The following PEX14 variants were observed in gnomAD, a reference collection of about 807,000 sequenced individuals.
PEX14 encodes peroxisomal biogenesis factor 14, also known as peroxisomal membrane protein PEX14.
PEX14 carries 15 observed loss-of-function variants against 49.5 expected under a neutral mutation model. That is an observed-to-expected ratio of 0.30 (90% CI 0.20 to 0.47). The LOEUF is 0.47. PEX14 is among the 20% of genes least tolerant of loss of function. PEX14 has a pLI of 1.00. For missense variants in PEX14, 398 were observed against 494.8 expected (o/e 0.80, Z 1.86); for synonymous variants, 210 against 212.7 (o/e 0.99, Z 0.11).
intron 3 of PEX14, among the ~76,000 whole-genome samples, chr1:10,546,782 T>C (rs1351376153): frequency 4.2e-5 from 6 of 142,056 alleles, no homozygotes; most frequent in Non-Finnish European, 7.5e-5. Flanking sequence ...GGCAGGAGAA[T>C]GGCGTGAACC....
chr1:10,518,195 G>A (rs969145757), intron 2 of PEX14, among the ~76,000 whole-genome samples: 9 of 151,854 alleles, frequency 5.9e-5, no homozygotes, highest in South Asian at 2.1e-4. Flanking sequence ...CCTTTATTTC[G>A]GTCCCTGACT....
chr1:10,568,323 T>TTCC (rs1557849515), intron 3 of PEX14, among the ~76,000 whole-genome samples: 1 of 118,718 alleles, frequency 8.4e-6, no homozygotes, highest in African/African-American at 3.8e-5. Flanking sequence ...TAGATACTCT[T>TTCC]CCCCCCCCCC....
chr1:10,615,197 T>A (rs1641378907), intron 4 of PEX14, among the ~76,000 whole-genome samples: 1 of 152,134 alleles, frequency 6.6e-6, no homozygotes, highest in Non-Finnish European at 1.5e-5. Context: ...GATTGATAAA[T>A]TTGTATAAAA....
At chr1:10,561,529 A>C (rs1470295487) in intron 3 of PEX14, among the ~76,000 whole-genome samples, 1 of 152,234 alleles carries the variant, frequency 6.6e-6, no homozygotes, top group Non-Finnish European at 1.5e-5. Flanking sequence ...TTATTATTGC[A>C]TTACAATAAA....
chr1:10,611,655 C>T (rs1420518681), intron 4 of PEX14, among the ~76,000 whole-genome samples: 1 of 152,200 alleles, frequency 6.6e-6, no homozygotes, highest in Non-Finnish European at 1.5e-5. Flanking sequence ...ACCCGATAGT[C>T]TCATTTTTGA....
intron 2 of PEX14, among the ~76,000 whole-genome samples, chr1:10,503,480 T>G (rs1008980917): frequency 6.6e-6 from 1 of 151,730 alleles, no homozygotes; most frequent in Non-Finnish European, 1.5e-5. Flanking sequence ...GAAGACGTGA[T>G]CTACAAAACT....
chr1:10,566,270 C>T (rs940764932), intron 3 of PEX14, among the ~76,000 whole-genome samples: 5 of 152,262 alleles, frequency 3.3e-5, no homozygotes, highest in African/African-American at 7.2e-5. Flanking sequence ...TTTTTATTTC[C>T]GTATCTACAA....
At chr1:10,533,805 G>A (rs377692856) in intron 2 of PEX14, among the ~76,000 whole-genome samples, 2 of 152,122 alleles carry the variant, frequency 1.3e-5, no homozygotes, top group African/African-American at 2.4e-5. Flanking sequence ...TGCATTGTCC[G>A]ATGGATCCGT....
chr1:10,567,525 G>T (rs1036703788), intron 3 of PEX14, among the ~76,000 whole-genome samples: 2 of 151,890 alleles, frequency 1.3e-5, no homozygotes, highest in Admixed American at 6.6e-5. Context: ...AGACAGTCTT[G>T]CTGTGTCACC....
At chr1:10,477,398 A>G (rs184288578) in intron 1 of PEX14, among the ~76,000 whole-genome samples, 2 of 152,306 alleles carry the variant, frequency 1.3e-5, no homozygotes, top group Non-Finnish European at 2.9e-5. Context: ...AACAGACTCT[A>G]TGGCTATCTA....
intron 3 of PEX14, among the ~76,000 whole-genome samples, chr1:10,551,760 G>C (rs1307796453): frequency 6.6e-6 from 1 of 152,080 alleles, no homozygotes; most frequent in Non-Finnish European, 1.5e-5. Context: ...CAACCAGTTT[G>C]GTATCAGGGA....
chr1:10,595,036 TA>T (rs540071218), intron 3 of PEX14, among the ~76,000 whole-genome samples: 14 of 147,812 alleles, frequency 9.5e-5, no homozygotes, highest in African/African-American at 9.9e-5. Flanking sequence ...TCTGTCCTTT[TA>T]AAAAAAAAAG....
chr1:10,484,028 C>CTTT (rs200948766), intron 1 of PEX14, among the ~76,000 whole-genome samples: 2 of 132,424 alleles, frequency 1.5e-5, no homozygotes, highest in African/African-American at 5.8e-5. Context: ...AATGAATTAC[C>CTTT]TTTTTTTTTT....
intron 2 of PEX14, among the ~76,000 whole-genome samples, chr1:10,527,424 C>T (rs530658539): frequency 6.9e-6 from 1 of 145,592 alleles, no homozygotes; most frequent in South Asian, 2.2e-4. Flanking sequence ...GGCTGAGGCA[C>T]AAGAATTGCT....
rs148714390 is a variant in PEX14, at chr1:10,565,550, T to C, written c.169+29253T>C. Among the ~76,000 whole-genome samples the C allele has an allele frequency of 2.1e-3, 317 of 152,364 alleles. 2 individuals carry two copies. Among genetic ancestry groups the C allele is most frequent in the Non-Finnish European group, 2.7e-3 (187 of 68,038 alleles). On this transcript the variant is annotated intron_variant, in intron 3 of 8. Coordinates refer to ENST00000356607, the MANE Select transcript of PEX14 (RefSeq NM_004565.3). ...TTAGACGCAGAAAGCCTCTCAATGCTGTTTTGATTTGAATTTCTCTTTTGA... is the reference window on the plus strand; with the variant it reads ...TTAGACGCAGAAAGCCTCTCAATGCCGTTTTGATTTGAATTTCTCTTTTGA...
intron 3 of PEX14, among the ~76,000 whole-genome samples, chr1:10,574,103 A>G (rs1640057124): frequency 6.6e-6 from 1 of 152,226 alleles, no homozygotes; most frequent in Non-Finnish European, 1.5e-5. Flanking sequence ...TTCCAACTCT[A>G]AATAAATAAA....
chr1:10,487,481 CTTT>C (rs33968565), intron 1 of PEX14, among the ~76,000 whole-genome samples: 7 of 86,756 alleles, frequency 8.1e-5, no homozygotes, highest in African/African-American at 1.7e-4. Flanking sequence ...TTCTTTCTTT[CTTT>C]TTTTTTTTTT....
chr1:10,519,418 G>A lies in PEX14; in HGVS notation c.85-16795G>A, dbSNP rs577583823. Among the ~76,000 whole-genome samples, 3 of 152,264 alleles carry A rather than the reference G, an allele frequency of 2.0e-5. No homozygotes were observed. The South Asian group carries it at 6.2e-4, about 32-fold the overall frequency. On this transcript the variant is annotated intron_variant, in intron 2 of 8. Transcript: ENST00000356607. ...GAGAGCGGGGGCAGTAAGGTGCCTG[G>A]CTTGAAAGCACCTGGCGAAAAGACT...
intron 1 of PEX14, among the ~76,000 whole-genome samples, chr1:10,488,242 C>G (rs780648670): frequency 6.6e-6 from 1 of 151,454 alleles, no homozygotes; most frequent in Non-Finnish European, 1.5e-5. Flanking sequence ...CTACAACCTC[C>G]GCCTCCTGAA....
Sources: allele counts gnomAD v4.1 joint callset (sites outside exome capture counted in the v4.1 genomes callset), GRCh38; gene constraint gnomAD v4.1.1; transcripts MANE v1.5; gene names NCBI Gene and HGNC (gene_info 2026-07-23, HGNC 2026-07-21).